The following MDFIC variants were observed in gnomAD, a reference collection of about 807,000 sequenced individuals.
MDFIC encodes MyoD family inhibitor domain containing, also known as myoD family inhibitor domain-containing protein.
MDFIC carries 17 observed loss-of-function variants against 23.2 expected under a neutral mutation model. The observed-to-expected ratio is 0.73, with a 90% CI of 0.50 to 1.10. The LOEUF (loss-of-function observed/expected upper bound fraction) is 1.10. Among genes scored for constraint, MDFIC ranks in the 50% least tolerant of loss-of-function variants. MDFIC has a pLI of 0.00. For missense variants in MDFIC, 356 were observed against 316.6 expected (o/e 1.12, Z -0.95); for synonymous variants, 120 against 115.2 (o/e 1.04, Z -0.27).
intron 4 of MDFIC, among the ~76,000 whole-genome samples, chr7:114,997,756 GA>G (rs763082935): frequency 2.0e-3 from 105 of 51,372 alleles, no homozygotes; most frequent in East Asian, 0.02. Context: ...CATCTAAACA[GA>G]AAAAAAAAAA....
chr7:114,981,990 G>T lies in MDFIC; in HGVS notation c.493+2209G>T, dbSNP rs576530047. 1.0e-3 allele frequency among the ~76,000 whole-genome samples: 155 copies of T among 152,336 alleles called. 1 individual carries two copies. The highest frequency in any genetic ancestry group is 3.4e-3 in the Middle Eastern group (1 of 294). Reference sequence around the variant, plus strand: ...ACATTCTCAATTCTGCCACCAGCTTGCTGGGGTACTTGAGTTTCTATGGGC... The same window carrying T: ...ACATTCTCAATTCTGCCACCAGCTTTCTGGGGTACTTGAGTTTCTATGGGC... On this transcript the variant is annotated intron_variant, in intron 4 of 4. Transcript: ENST00000393486.
chr7:115,004,238 T>C lies in MDFIC; in HGVS notation c.494-11450T>C, dbSNP rs577526584. Among the ~76,000 whole-genome samples the C allele has an allele frequency of 3.9e-5, 6 of 152,286 alleles. No individual in the cohort carries two copies. In the South Asian group the frequency reaches 1.0e-3, roughly 26 times the overall value. On this transcript the variant is annotated intron_variant, in intron 4 of 4. Transcript: ENST00000393486. The stretch of plus-strand genomic sequence containing the variant: ...GCCAAATGTTCACCTTATGAGATTG[T>C]CTGTCATGCAGAGGTAATGCCTGCG...
intron 2 of MDFIC, among the ~76,000 whole-genome samples, chr7:114,937,410 C>T (rs1585094072): frequency 1.3e-5 from 2 of 152,196 alleles, no homozygotes; most frequent in East Asian, 3.8e-4. Flanking sequence ...CCTACAATGG[C>T]TTTTCTATGA....
At chr7:115,014,360 A>G (rs1455451997) in intron 4 of MDFIC, 19 of 1,277,780 alleles carry the variant, frequency 1.5e-5, no homozygotes, top group Non-Finnish European at 1.8e-5. Context: ...ATTCACATCT[A>G]CTTGCAGTTA....
At chr7:114,958,506 T>A (rs1792925219) in intron 3 of MDFIC, among the ~76,000 whole-genome samples, 1 of 152,222 alleles carries the variant, frequency 6.6e-6, no homozygotes, top group Admixed American at 6.5e-5. Flanking sequence ...ATCCCAGCAC[T>A]TTGGGAGGCA....
intron 4 of MDFIC, among the ~76,000 whole-genome samples, chr7:114,993,245 C>T (rs559381483): frequency 1.3e-5 from 2 of 151,950 alleles, no homozygotes. Flanking sequence ...TCTCTCTTTT[C>T]TTCTTTATTA....
intron 2 of MDFIC, among the ~76,000 whole-genome samples, chr7:114,938,690 G>C (rs537964524): frequency 1.3e-5 from 2 of 152,278 alleles, no homozygotes; most frequent in African/African-American, 4.8e-5. Context: ...TTGGGTTGGG[G>C]GGAATGTATG....
intron 4 of MDFIC, among the ~76,000 whole-genome samples, chr7:115,009,681 A>G (rs1427866561): frequency 6.6e-6 from 1 of 152,218 alleles, no homozygotes; most frequent in Non-Finnish European, 1.5e-5. Context: ...TGCTGTTGAG[A>G]TGCTAGAAGC....
intron 4 of MDFIC, among the ~76,000 whole-genome samples, chr7:114,980,725 CT>C (rs1793403638): frequency 1.3e-5 from 2 of 152,124 alleles, no homozygotes; most frequent in Admixed American, 1.3e-4. Flanking sequence ...CCTTATTCCC[CT>C]TTCCTTTCTA....
chr7:115,013,984 G>A, intron 4 of MDFIC: 2 of 985,308 alleles, frequency 2.0e-6, no homozygotes, highest in Non-Finnish European at 2.4e-6. Context: ...TCCAGTCGCT[G>A]CATGGACCAT....
Position 115,006,126 on chromosome 7 carries a change from T to C in MDFIC, c.494-9562T>C, listed in dbSNP as rs1370425631. ...CCTGTGTGAGGTCTGCACCTCCTGCTAGGGATGCTGCCCTTGCCTCCAGGA... is the reference window on the plus strand; with the variant it reads ...CCTGTGTGAGGTCTGCACCTCCTGCCAGGGATGCTGCCCTTGCCTCCAGGA... On this transcript the variant is annotated intron_variant, in intron 4 of 4. Transcript: ENST00000393486. 2.0e-5 allele frequency among the ~76,000 whole-genome samples: 3 copies of C among 152,144 alleles called. No individual in the cohort carries two copies. The East Asian group carries it at 5.8e-4, about 29-fold the overall frequency.
At chr7:114,969,320 G>A (rs1793160516) in intron 3 of MDFIC, among the ~76,000 whole-genome samples, 1 of 152,144 alleles carries the variant, frequency 6.6e-6, no homozygotes, top group African/African-American at 2.4e-5. Flanking sequence ...GTTATATGCT[G>A]GGATCAAGTG....
In MDFIC at chr7:114,922,916, T is replaced by G; in HGVS notation, c.-107-11T>G. ...CATTTTTTTTTTTAATTTTGTATAT[T>G]TTTCCGCCAGAAGCAGTCAGTTCCC... On this transcript the variant is annotated splice_polypyrimidine_tract_variant and intron_variant, in intron 1 of 4. Transcript: ENST00000393486. The G allele has an allele frequency of 6.3e-7, 1 of 1,581,556 alleles. No individual in the cohort carries two copies. The highest frequency in any genetic ancestry group is 8.6e-7 in the Non-Finnish European group (1 of 1,164,990).
intron 4 of MDFIC, among the ~76,000 whole-genome samples, chr7:114,991,527 T>C (rs1338043097): frequency 1.3e-5 from 2 of 152,228 alleles, no homozygotes; most frequent in Admixed American, 6.5e-5. Context: ...AATTTTTGTA[T>C]AAGGTGTAAG....
chr7:114,923,374 G>A, intron 2 of MDFIC: 1 of 1,377,718 alleles, frequency 7.3e-7, no homozygotes, highest in Non-Finnish European at 9.9e-7. Context: ...CGAAGAAACA[G>A]GATGACAGGA....
chr7:115,016,255 A>G lies in MDFIC; in HGVS notation c.*320A>G. 2 of 277,158 alleles carry G rather than the reference A, an allele frequency of 7.2e-6. No homozygotes were observed. The highest frequency in any genetic ancestry group is 1.0e-4 in the Admixed American group (2 of 19,906). The allele number at this position is 277,158 out of a possible 1,614,324, so 17.2% of individuals were successfully genotyped here. On this transcript the variant is annotated 3_prime_UTR_variant, in exon 5 of 5. Coordinates refer to ENST00000393486, the MANE Select transcript of MDFIC (RefSeq NM_001166345.3). The stretch of plus-strand genomic sequence containing the variant: ...TCTGTTTCTTTTAACCGTTCTCAGG[A>G]GCACTTTGCTCCAAATATATTATTT...
chr7:115,014,411 C>T (rs1791750762), intron 4 of MDFIC: 1 of 1,289,302 alleles, frequency 7.8e-7, no homozygotes, highest in South Asian at 1.2e-5. Flanking sequence ...TTTATTATAG[C>T]ATGGCTGCCA....
chr7:115,003,319 G>A lies in MDFIC; in HGVS notation c.494-12369G>A, dbSNP rs537751546. Among the ~76,000 whole-genome samples the A allele has an allele frequency of 2.6e-4, 40 of 152,122 alleles. No homozygotes were observed. The South Asian group carries it at 6.6e-3, about 25-fold the overall frequency. On this transcript the variant is annotated intron_variant, in intron 4 of 4. Transcript: ENST00000393486. ...CCCCCAGCCCCAGACTAACTACCAC[G>A]CAAACTCCAGATCATGGTCTGCAGC...
intron 4 of MDFIC, among the ~76,000 whole-genome samples, chr7:114,988,100 A>G (rs1249157841): frequency 6.6e-6 from 1 of 152,230 alleles, no homozygotes; most frequent in African/African-American, 2.4e-5. Flanking sequence ...AATAGAAGCT[A>G]TCAGCTATGT....
Sources: allele counts gnomAD v4.1 joint callset (sites outside exome capture counted in the v4.1 genomes callset), GRCh38; gene constraint gnomAD v4.1.1; transcripts MANE v1.5; gene names NCBI Gene and HGNC (gene_info 2026-07-23, HGNC 2026-07-21).